Variants in NEXN observed in about 807,000 individuals in gnomAD.
NEXN encodes nexilin F-actin binding protein.
In NEXN, 65 loss-of-function variants were observed where a neutral mutation model predicts 92.6. The ratio of observed to expected loss-of-function variants is 0.70; its 90% CI spans 0.57 to 0.86. The LOEUF is 0.86. NEXN is among the 40% of genes least tolerant of loss of function. The pLI is 0.00. For synonymous variants in NEXN, 254 were observed against 242.5 expected (o/e 1.05, Z -0.44); for missense variants, 778 against 771.1 (o/e 1.01, Z -0.11).
At chr1:77,919,086 G>T (rs569798949) in intron 5 of NEXN, among the ~76,000 whole-genome samples, 1 of 152,268 alleles carries the variant, frequency 6.6e-6, no homozygotes, top group African/African-American at 2.4e-5. Context: ...GGAGGTGAAA[G>T]GTACTTCTTA....
At chr1:77,914,962 CATAG>C (rs544873767) in intron 1 of NEXN, among the ~76,000 whole-genome samples, 123 of 151,142 alleles carry the variant, frequency 8.1e-4, no homozygotes, top group African/African-American at 2.5e-3. Context: ...CATATAAAAA[CATAG>C]ATAGAGTGAA....
intron 10 of NEXN, among the ~76,000 whole-genome samples, chr1:77,934,826 A>T (rs1650618195): frequency 6.6e-6 from 1 of 152,246 alleles, no homozygotes; most frequent in Non-Finnish European, 1.5e-5. Context: ...TTGGCAGGCA[A>T]CTTGGAGGGG....
At chr1:77,900,928 AATC>A (rs1197475109) in intron 1 of NEXN, among the ~76,000 whole-genome samples, 2 of 152,168 alleles carry the variant, frequency 1.3e-5, no homozygotes, top group Admixed American at 1.3e-4. Flanking sequence ...AAACAAGAAA[AATC>A]ACTTAACGCT....
At chr1:77,929,891 CCTTT>C (rs1650155968) in intron 9 of NEXN, among the ~76,000 whole-genome samples, 1 of 152,110 alleles carries the variant, frequency 6.6e-6, no homozygotes, top group South Asian at 2.1e-4. Flanking sequence ...CTCCTTCATT[CCTTT>C]ATTTCCTTCC....
intron 4 of NEXN, 42 bp downstream of exon 4, chr1:77,918,080 T>C (rs1441116504): frequency 6.8e-6 from 11 of 1,612,670 alleles, no homozygotes; most frequent in African/African-American, 1.3e-5. Flanking sequence ...AATTGCAAAA[T>C]AGAAACATAA....
At chr1:77,889,443 TTAA>T (rs1647056829) in intron 1 of NEXN, 1 of 151,882 alleles carries the variant, frequency 6.6e-6, no homozygotes, top group Non-Finnish European at 1.5e-5. Flanking sequence ...TTTACGTAGT[TTAA>T]GTGAGTGAAG....
chr1:77,935,448 T>C (rs922413589), intron 10 of NEXN, among the ~76,000 whole-genome samples: 4 of 152,256 alleles, frequency 2.6e-5, no homozygotes, highest in African/African-American at 9.6e-5. Context: ...TATCAAGGAA[T>C]GTCAGAGGAT....
chr1:77,929,257 A>T, intron 8 of NEXN, 59 bp from the exon 9 acceptor site: 2 of 1,246,334 alleles, frequency 1.6e-6, no homozygotes, highest in Non-Finnish European at 2.4e-6. Context: ...TTTGATTAAT[A>T]ATTCATTCCT....
chr1:77,933,124 G>T, intron 9 of NEXN, 158 bp from the exon 10 acceptor site: 1 of 551,298 alleles, frequency 1.8e-6, no homozygotes, highest in Non-Finnish European at 3.3e-6. Context: ...TCACATCATT[G>T]CACTCCAGCC....
At position 77,926,837 on chromosome 1, in the gene NEXN, C is replaced by A; in HGVS notation, c.809C>A (p.Ala270Glu). ...CGAAAGAAGCAAGCTGAAGAGGAAG[C>A]AAGAAAACGTTTAGAAGAAGAGAAG... is the stretch of plus-strand genomic sequence containing the variant. ...ENRKKQAEEE[A>E]RKRLEEEKRA... Residue 270 changes from alanine to glutamate, a missense_variant, in exon 8 of 13, where the codon GCA (alanine) becomes GAA (glutamate). This residue lies in a region of NEXN where 532 missense variants were observed against 476.7 expected (regional missense o/e 1.12). Coordinates refer to ENST00000334785, the MANE Select transcript of NEXN (RefSeq NM_144573.4). 1 of 1,613,878 alleles carries A rather than the reference C, an allele frequency of 6.2e-7. No individual in the cohort carries two copies. Among genetic ancestry groups the A allele is most frequent in the Non-Finnish European group, 8.5e-7 (1 of 1,179,968 alleles).
chr1:77,897,277 T>C (rs1213690594), intron 1 of NEXN, among the ~76,000 whole-genome samples: 1 of 152,034 alleles, frequency 6.6e-6, no homozygotes, highest in Non-Finnish European at 1.5e-5. Flanking sequence ...ACTGGCAAAC[T>C]GAATCCAGCA....
chr1:77,894,843 G>A (rs1647190223), intron 1 of NEXN, among the ~76,000 whole-genome samples: 1 of 151,652 alleles, frequency 6.6e-6, no homozygotes, highest in South Asian at 2.1e-4. Flanking sequence ...AGCCTACCAA[G>A]TAGCTGGGAC....
At chr1:77,915,639 A>AAAAAC (rs902077285) in intron 1 of NEXN, among the ~76,000 whole-genome samples, 29 of 152,372 alleles carry the variant, frequency 1.9e-4, no homozygotes, top group Admixed American at 9.1e-4. Context: ...AAACAAAAAC[A>AAAAAC]AAAACAAAAC....
chr1:77,927,129 C>G (rs1557982723), intron 8 of NEXN, among the ~76,000 whole-genome samples: 1 of 151,972 alleles, frequency 6.6e-6, no homozygotes, highest in Non-Finnish European at 1.5e-5. Context: ...TGAAACCAGC[C>G]TGGCCAACAC....
chr1:77,903,750 C>A (rs1647896081), intron 1 of NEXN, among the ~76,000 whole-genome samples: 1 of 151,412 alleles, frequency 6.6e-6, no homozygotes. Context: ...TATGATGAAA[C>A]CCTGTTTCTA....
intron 5 of NEXN, among the ~76,000 whole-genome samples, chr1:77,922,428 C>G (rs1010275427): frequency 1.1e-4 from 17 of 151,658 alleles, no homozygotes; most frequent in Admixed American, 4.6e-4. Context: ...CGCGCCTGGC[C>G]TAAAAAGAGA....
intron 8 of NEXN, among the ~76,000 whole-genome samples, chr1:77,927,759 A>T (rs1353608062): frequency 1.3e-5 from 2 of 149,468 alleles, no homozygotes; most frequent in Admixed American, 6.7e-5. Flanking sequence ...AATCTCTCTT[A>T]GTTTCTTCAT....
chr1:77,931,742 A>C (rs1411808379), intron 9 of NEXN: 1 of 152,146 alleles, frequency 6.6e-6, no homozygotes, highest in Non-Finnish European at 1.5e-5. Flanking sequence ...ATTTCAGGCA[A>C]TCTTTGAATT....
chr1:77,942,303 T>G, intron 12 of NEXN, 95 bp downstream of exon 12: 1 of 1,436,054 alleles, frequency 7.0e-7, no homozygotes, highest in Non-Finnish European at 9.7e-7. Context: ...TTAATGGTTT[T>G]CTTTCAAGTC....
Sources: allele counts gnomAD v4.1 joint callset (sites outside exome capture counted in the v4.1 genomes callset), GRCh38; gene constraint gnomAD v4.1.1; regional missense constraint gnomAD v4.1.1; transcripts MANE v1.5; gene names NCBI Gene and HGNC (gene_info 2026-07-23, HGNC 2026-07-21).